Variants in POLR3B observed in about 807,000 individuals in gnomAD.
POLR3B encodes RNA polymerase III subunit B.
In POLR3B, 96 loss-of-function variants were observed where a neutral mutation model predicts 147.4. The ratio of observed to expected loss-of-function variants is 0.65; its 90% CI spans 0.55 to 0.77. The LOEUF is 0.77. Ranked by LOEUF, POLR3B falls within the 30% of genes least tolerant of loss-of-function variation. POLR3B has a pLI of 0.00. For synonymous variants in POLR3B, 461 were observed against 485.9 expected (o/e 0.95, Z 0.67); for missense variants, 1,036 against 1,413.5 (o/e 0.73, Z 4.28).
intron 27 of POLR3B, among the ~76,000 whole-genome samples, chr12:106,509,167 CA>C (rs1336418631): frequency 2.0e-5 from 3 of 152,156 alleles, no homozygotes; most frequent in Non-Finnish European, 4.4e-5. Flanking sequence ...TGTGTGGTAA[CA>C]ACTGACTCAA....
chr12:106,486,498 C>T (rs2038341622), intron 23 of POLR3B, among the ~76,000 whole-genome samples: 1 of 151,988 alleles, frequency 6.6e-6, no homozygotes. Flanking sequence ...GCCATATTCC[C>T]AGAGATTTCT....
chr12:106,369,313 A>G lies in POLR3B; in HGVS notation c.266A>G (p.Glu89Gly). The change falls in exon 5 of 28, where the codon GAA becomes GGA. Residue 89 changes from glutamate to glycine, a missense_variant. Physicochemically the swap from Glu to Gly is moderately conservative, Grantham distance 98 (BLOSUM62 -2). Around this residue, in one of 12 missense-constraint regions of POLR3B, gnomAD observed 150 missense variants for 145.5 expected, o/e 1.03. Transcript: ENST00000228347. ...NIYVGLPDVEESFNVTRPVSP... is the reference protein window; with the variant it reads ...NIYVGLPDVEGSFNVTRPVSP... The stretch of plus-strand genomic sequence containing the variant: ...TATGTTGGGCTTCCTGATGTTGAAG[A>G]AAGCTTCAATGTAACTAGACCAGTG... 1 of 1,602,168 alleles carries G rather than the reference A, an allele frequency of 6.2e-7. No homozygotes were observed. Among genetic ancestry groups the G allele is most frequent in the Non-Finnish European group, 8.6e-7 (1 of 1,169,096 alleles).
intron 16 of POLR3B, among the ~76,000 whole-genome samples, chr12:106,434,875 A>G (rs1223348405): frequency 6.6e-6 from 1 of 151,962 alleles, no homozygotes; most frequent in African/African-American, 2.4e-5. Context: ...TCAGTCCAGC[A>G]CCCTCTTCTC....
chr12:106,398,104 G>A (rs573121396), intron 10 of POLR3B, among the ~76,000 whole-genome samples: 3 of 152,312 alleles, frequency 2.0e-5, no homozygotes, highest in Admixed American at 6.5e-5. Context: ...GGTGACAGAC[G>A]GCACCTGGAA....
intron 12 of POLR3B, among the ~76,000 whole-genome samples, chr12:106,426,480 C>A (rs2037437784): frequency 6.6e-6 from 1 of 151,458 alleles, no homozygotes; most frequent in Admixed American, 6.6e-5. Flanking sequence ...TGAACTCCAG[C>A]TAATTTTTGT....
At chr12:106,429,700 A>C (rs1221481113) in intron 13 of POLR3B, among the ~76,000 whole-genome samples, 1 of 152,196 alleles carries the variant, frequency 6.6e-6, no homozygotes, top group Non-Finnish European at 1.5e-5. Flanking sequence ...GTTTCTTAAT[A>C]TGAATATATG....
Position 106,496,769 on chromosome 12 carries a change from G to A in POLR3B, c.2835G>A (p.Glu945=), listed in dbSNP as rs778450287. ...TCCTGCAGGTGGGGAAGCTCATTGA[G>A]CTGCTGGCTGGCAAGGCCGGTGTGC... The part of the protein sequence containing the change: ...PSRMTVGKLI[E]LLAGKAGVLD... Residue 945 remains glutamate (E), a synonymous_variant, in exon 25 of 28, where the codon GAG becomes GAA. Transcript: ENST00000228347. 1 of 1,614,164 alleles carries A rather than the reference G, an allele frequency of 6.2e-7. No individual in the cohort carries two copies. The highest frequency in any genetic ancestry group is 8.5e-7 in the Non-Finnish European group (1 of 1,180,018).
At chr12:106,490,021 C>G (rs2038387419) in intron 23 of POLR3B, among the ~76,000 whole-genome samples, 1 of 152,138 alleles carries the variant, frequency 6.6e-6, no homozygotes, top group African/African-American at 2.4e-5. Flanking sequence ...GTTATTAAAT[C>G]AGGGTTTCTT....
At chr12:106,359,237 T>A (rs996634583) in intron 1 of POLR3B, among the ~76,000 whole-genome samples, 5 of 151,940 alleles carry the variant, frequency 3.3e-5, no homozygotes, top group African/African-American at 9.7e-5. Context: ...AACCTCTTTA[T>A]AATAGTTTGA....
chr12:106,484,829 TAA>T (rs1426192696), intron 23 of POLR3B, among the ~76,000 whole-genome samples: 1 of 151,846 alleles, frequency 6.6e-6, no homozygotes, highest in Admixed American at 6.6e-5. Flanking sequence ...ATCATTAGGG[TAA>T]GAGTTCTGAG....
chr12:106,416,326 G>A (rs1380474752), intron 12 of POLR3B, among the ~76,000 whole-genome samples: 2 of 152,196 alleles, frequency 1.3e-5, no homozygotes, highest in African/African-American at 4.8e-5. Flanking sequence ...TAATGTGTGT[G>A]CATTAAGTCT....
At chr12:106,483,994 A>G (rs1032657588) in intron 23 of POLR3B, among the ~76,000 whole-genome samples, 1 of 152,188 alleles carries the variant, frequency 6.6e-6, no homozygotes, top group Non-Finnish European at 1.5e-5. Context: ...TAATGTGTAA[A>G]AGCAGGGAAC....
At chr12:106,371,935 A>G (rs955267629) in intron 6 of POLR3B, among the ~76,000 whole-genome samples, 5 of 152,066 alleles carry the variant, frequency 3.3e-5, no homozygotes, top group African/African-American at 4.8e-5. Context: ...AACTTAAAGT[A>G]TAATAATAAT....
At chr12:106,375,002 G>A (rs2036659103) in intron 6 of POLR3B, among the ~76,000 whole-genome samples, 1 of 152,096 alleles carries the variant, frequency 6.6e-6, no homozygotes, top group African/African-American at 2.4e-5. Flanking sequence ...AATTTATTTA[G>A]TGAGGGCCTA....
At chr12:106,452,455 T>G (rs1231824950) in intron 19 of POLR3B, among the ~76,000 whole-genome samples, 1 of 152,196 alleles carries the variant, frequency 6.6e-6, no homozygotes, top group Non-Finnish European at 1.5e-5. Context: ...CACCATTGTT[T>G]AGAGGTGCAG....
chr12:106,358,259 G>C (rs2036417716), intron 1 of POLR3B: 14 of 1,333,102 alleles, frequency 1.1e-5, no homozygotes, highest in East Asian at 3.3e-5. Context: ...CACTTACTGT[G>C]GGGGACGTAT....
chr12:106,509,326 T>C, intron 27 of POLR3B, 94 bp from the exon 28 acceptor site: 1 of 1,244,486 alleles, frequency 8.0e-7, no homozygotes, highest in Non-Finnish European at 1.2e-6. Flanking sequence ...GATAGAATGA[T>C]AATAGAACTT....
intron 7 of POLR3B, among the ~76,000 whole-genome samples, 179 bp downstream of exon 7, chr12:106,376,629 C>CTTTTTTTTT (rs137973753): frequency 4.7e-5 from 7 of 147,436 alleles, no homozygotes; most frequent in Non-Finnish European, 8.9e-5. Context: ...TTCTTTCTTT[C>CTTTTTTTTT]TTTTTTGAGA....
chr12:106,433,021 G>T (rs1265336193), intron 15 of POLR3B, among the ~76,000 whole-genome samples: 1 of 152,150 alleles, frequency 6.6e-6, no homozygotes, highest in Non-Finnish European at 1.5e-5. Flanking sequence ...TTGGTGCTGT[G>T]TGCCTGTTCT....
Sources: gnomAD v4.1 joint callset for allele counts (sites outside exome capture counted in the v4.1 genomes callset) on GRCh38, gnomAD v4.1.1 for gene constraint, gnomAD v4.1.1 regional missense constraint, MANE v1.5 for transcripts, NCBI Gene and HGNC (gene_info 2026-07-23, HGNC 2026-07-21) for gene names.